GABRB2: variants seen among roughly 807,000 people sequenced by gnomAD.
The protein encoded by GABRB2 is gamma-aminobutyric acid receptor subunit beta-2.
A neutral mutation model predicts 54.7 loss-of-function variants in GABRB2; 16 were observed. That is an observed-to-expected ratio of 0.29 (90% CI 0.20 to 0.44). The LOEUF (loss-of-function observed/expected upper bound fraction) is 0.44. GABRB2 is among the 20% of genes least tolerant of loss of function. The pLI is 1.00. For synonymous variants in GABRB2, 244 were observed against 233.8 expected (o/e 1.04, Z -0.40); for missense variants, 355 against 644.0 (o/e 0.55, Z 4.86).
chr5:161,498,050 C>T (rs189028187), intron 3 of GABRB2, among the ~76,000 whole-genome samples: 4 of 152,198 alleles, frequency 2.6e-5, no homozygotes, highest in Admixed American at 2.6e-4. Flanking sequence ...TAGCTTCACC[C>T]ATAATTTTTG....
At chr5:161,416,754 A>G (rs923424749) in intron 4 of GABRB2, among the ~76,000 whole-genome samples, 7 of 149,426 alleles carry the variant, frequency 4.7e-5, no homozygotes, top group African/African-American at 1.5e-4. Context: ...ACTATATTCA[A>G]AACATATTGT....
At chr5:161,459,987 C>A in intron 3 of GABRB2, 143 bp from the exon 4 acceptor site, 1 of 556,588 alleles carries the variant, frequency 1.8e-6, no homozygotes, top group East Asian at 3.0e-5. Flanking sequence ...CTCTGTCACC[C>A]AGGCTGGAGT....
At chr5:161,370,626 G>C (rs1446431757) in intron 5 of GABRB2, among the ~76,000 whole-genome samples, 1 of 152,146 alleles carries the variant, frequency 6.6e-6, no homozygotes, top group Non-Finnish European at 1.5e-5. Context: ...CTTTTGGCAA[G>C]ACTGGGTACT....
intron 4 of GABRB2, among the ~76,000 whole-genome samples, chr5:161,426,031 C>T (rs151261317): frequency 1.7e-3 from 255 of 152,090 alleles, no homozygotes; most frequent in Non-Finnish European, 2.7e-3. Context: ...GATAAAGAAG[C>T]GTACACAAGG....
At position 161,341,242 on chromosome 5, in the gene GABRB2, A is replaced by G. The variant is rs953942644; in HGVS notation, c.542-4473T>C. On this transcript the variant is annotated intron_variant, in intron 5 of 9. Transcript: ENST00000393959. ...CTCAAAGTGATTAAAAACTAAAAGA[A>G]AACATATGCAAATATATATGACCTG... 2.6e-5 allele frequency among the ~76,000 whole-genome samples: 4 copies of G among 152,132 alleles called. No individual in the cohort carries two copies. In the South Asian group the frequency reaches 8.3e-4, roughly 32 times the overall value.
chr5:161,358,913 AT>A (rs1754721511), intron 5 of GABRB2, among the ~76,000 whole-genome samples: 1 of 152,200 alleles, frequency 6.6e-6, no homozygotes, highest in Admixed American at 6.5e-5. Flanking sequence ...GTGGTCATGA[AT>A]TTAAAGTGTG....
At chr5:161,529,300 G>A (rs1182008306) in intron 3 of GABRB2, among the ~76,000 whole-genome samples, 3 of 151,862 alleles carry the variant, frequency 2.0e-5, no homozygotes, top group Non-Finnish European at 4.4e-5. Flanking sequence ...GATTTATGTG[G>A]GTTTCCCAAA....
chr5:161,517,643 C>T (rs767792599), intron 3 of GABRB2, among the ~76,000 whole-genome samples: 4 of 152,128 alleles, frequency 2.6e-5, no homozygotes, highest in East Asian at 1.9e-4. Flanking sequence ...AGTGGTCCAC[C>T]GCCTGCATTA....
At chr5:161,459,410 G>A in intron 4 of GABRB2, 4 of 577,268 alleles carry the variant, frequency 6.9e-6, no homozygotes, top group South Asian at 2.1e-5. Context: ...AGCTGATATT[G>A]GAAGATAATT....
At chr5:161,486,445 G>T in intron 3 of GABRB2, among the ~76,000 whole-genome samples, 1 of 152,054 alleles carries the variant, frequency 6.6e-6, no homozygotes, top group East Asian at 1.9e-4. Context: ...TGTAAGGCAC[G>T]TTGTCAACAA....
chr5:161,477,705 C>T (rs1230365001), intron 3 of GABRB2, among the ~76,000 whole-genome samples: 7 of 151,866 alleles, frequency 4.6e-5, no homozygotes, highest in Non-Finnish European at 8.8e-5. Flanking sequence ...ATAAGCCAGT[C>T]ACAGAATGCC....
At chr5:161,404,888 C>A (rs1194630009) in intron 5 of GABRB2, among the ~76,000 whole-genome samples, 1 of 152,102 alleles carries the variant, frequency 6.6e-6, no homozygotes, top group East Asian at 1.9e-4. Context: ...CCTTAACCTA[C>A]AGCTACTTAG....
intron 3 of GABRB2, among the ~76,000 whole-genome samples, chr5:161,470,913 C>T (rs1464489392): frequency 2.6e-5 from 4 of 151,966 alleles, no homozygotes; most frequent in African/African-American, 9.7e-5. Context: ...GGTGACCCTT[C>T]ATGAGTATTT....
At chr5:161,413,543 G>A (rs1756581259) in intron 4 of GABRB2, among the ~76,000 whole-genome samples, 2 of 152,008 alleles carry the variant, frequency 1.3e-5, no homozygotes, top group African/African-American at 4.8e-5. Flanking sequence ...TTTCTCACTG[G>A]TCCACTGATG....
chr5:161,513,236 A>G (rs990487710), intron 3 of GABRB2, among the ~76,000 whole-genome samples: 1 of 151,856 alleles, frequency 6.6e-6, no homozygotes, highest in Non-Finnish European at 1.5e-5. Flanking sequence ...AATTGTTAAA[A>G]TAATAACAGA....
At chr5:161,333,511 G>A (rs1449174089) in intron 7 of GABRB2, among the ~76,000 whole-genome samples, 1 of 152,148 alleles carries the variant, frequency 6.6e-6, no homozygotes, top group Admixed American at 6.5e-5. Context: ...CCCAGTAGCC[G>A]AAGTGATCCC....
chr5:161,312,018 TTGTGTGTG>T (rs3222105), intron 9 of GABRB2, among the ~76,000 whole-genome samples: 1 of 148,944 alleles, frequency 6.7e-6, no homozygotes, highest in African/African-American at 2.5e-5. Context: ...CAGTAATGTT[TTGTGTGTG>T]TGTGTGTGTG....
intron 3 of GABRB2, among the ~76,000 whole-genome samples, chr5:161,511,856 C>T (rs1759780048): frequency 6.6e-6 from 1 of 151,964 alleles, no homozygotes; most frequent in Admixed American, 6.6e-5. Flanking sequence ...TTAGGAGCTA[C>T]CTTCCTAACC....
chr5:161,426,849 GA>G lies in GABRB2; in HGVS notation c.459-15793del, dbSNP rs796319213. Among the ~76,000 whole-genome samples, 1,259 of 151,428 alleles carry G rather than the reference GA, an allele frequency of 8.3e-3. 11 individuals carry two copies. Among genetic ancestry groups the G allele is most frequent in the African/African-American group, 0.024 (999 of 40,984 alleles). On this transcript the variant is annotated intron_variant, in intron 4 of 9. Transcript: ENST00000393959. ...AAGCGATCACACTTGATCTCTGGATGAAAAAAAAGAAAATTGATAACAGGAG... is the reference window on the plus strand; with the variant it reads ...AAGCGATCACACTTGATCTCTGGATGAAAAAAAGAAAATTGATAACAGGAG...
Sources: gnomAD v4.1 joint callset for allele counts (sites outside exome capture counted in the v4.1 genomes callset) on GRCh38, gnomAD v4.1.1 for gene constraint, MANE v1.5 for transcripts, NCBI Gene and HGNC (gene_info 2026-07-23, HGNC 2026-07-21) for gene names.